HNMT: variants seen among roughly 807,000 people sequenced by gnomAD.
HNMT encodes histamine N-methyltransferase.
HNMT carries 30 observed loss-of-function variants against 32.1 expected under a neutral mutation model. That is an observed-to-expected ratio of 0.93 (90% CI 0.70 to 1.27). The LOEUF (loss-of-function observed/expected upper bound fraction) is 1.27. Ranked by LOEUF, HNMT falls within the 50% of genes most tolerant of loss-of-function variation. The pLI is 0.00. For synonymous variants in HNMT, 125 were observed against 119.0 expected, an observed-to-expected ratio of 1.05 and a Z score of -0.33; for missense variants, 327 against 346.0, an observed-to-expected ratio of 0.95 and a Z score of 0.43.
At chr2:137,983,664 T>C (rs1680569098) in intron 2 of HNMT, among the ~76,000 whole-genome samples, 1 of 152,056 alleles carries the variant, frequency 6.6e-6, no homozygotes, top group African/African-American at 2.4e-5. Context: ...CAAAAAACAA[T>C]AAATTTGTGG....
chr2:137,971,208 C>T (rs559817932), intron 2 of HNMT, among the ~76,000 whole-genome samples: 6 of 151,522 alleles, frequency 4.0e-5, no homozygotes, highest in Admixed American at 1.3e-4. Flanking sequence ...GACGGATTCT[C>T]ACTCTGTCGC....
intron 4 of HNMT, among the ~76,000 whole-genome samples, chr2:138,004,385 T>C (rs761872084): frequency 2.0e-5 from 3 of 152,182 alleles, no homozygotes; most frequent in Non-Finnish European, 2.9e-5. Context: ...TATGGAATAT[T>C]GAATTCTTGT....
intron 2 of HNMT, among the ~76,000 whole-genome samples, chr2:137,988,045 G>A (rs568984123): frequency 5.2e-4 from 79 of 152,226 alleles, no homozygotes; most frequent in African/African-American, 1.9e-3. Context: ...GGAGAGGATG[G>A]TACGTAAAGG....
At chr2:138,000,678 T>C (rs1681140365) in intron 2 of HNMT, among the ~76,000 whole-genome samples, 1 of 152,102 alleles carries the variant, frequency 6.6e-6, no homozygotes. Context: ...TGAAATATAG[T>C]GATAGATGTT....
At position 138,000,960 on chromosome 2, in the gene HNMT, A is replaced by T; in HGVS notation, c.233A>T (p.Tyr78Phe). The T allele has an allele frequency of 6.2e-7, 1 of 1,609,312 alleles. No homozygotes were observed. The highest frequency in any genetic ancestry group is 2.2e-5 in the East Asian group (1 of 44,638). Residue 78 changes from tyrosine to phenylalanine, a missense_variant, in exon 3 of 6, where the codon TAC becomes TTC. By Grantham distance (22) the Tyr-to-Phe change is conservative (BLOSUM62 3). Transcript: ENST00000280097. ...ATTCTCTCCAAAGTTCAGGCTCAATACCCAGGAGTTTGTATCAACAATGAA... is the reference window on the plus strand; with the variant it reads ...ATTCTCTCCAAAGTTCAGGCTCAATTCCCAGGAGTTTGTATCAACAATGAA... ...LQILSKVQAQYPGVCINNEVV... is the reference protein window; with the variant it reads ...LQILSKVQAQFPGVCINNEVV...
chr2:137,977,641 T>C (rs1440948293), intron 2 of HNMT, among the ~76,000 whole-genome samples: 1 of 152,018 alleles, frequency 6.6e-6, no homozygotes. Flanking sequence ...CTAAGAATAA[T>C]TCAAAAAGAC....
intron 2 of HNMT, among the ~76,000 whole-genome samples, chr2:137,977,755 T>G (rs1421001434): frequency 1.3e-5 from 2 of 151,952 alleles, no homozygotes; most frequent in Non-Finnish European, 2.9e-5. Flanking sequence ...GAAAGTAATT[T>G]GGCATTATAT....
chr2:137,978,209 C>T (rs1680344228), intron 2 of HNMT, among the ~76,000 whole-genome samples: 1 of 151,236 alleles, frequency 6.6e-6, no homozygotes, highest in African/African-American at 2.4e-5. Context: ...CCTCACAATA[C>T]CAAAATATCT....
chr2:137,976,069 C>T (rs1033062617), intron 2 of HNMT, among the ~76,000 whole-genome samples: 1 of 152,036 alleles, frequency 6.6e-6, no homozygotes, highest in Non-Finnish European at 1.5e-5. Context: ...GAGTTTGAGA[C>T]CAGCCTGGCC....
rs1681643011 is a variant in HNMT, at chr2:138,015,744, G to C, written c.*1614G>C. ...GGTATGGGGCCATGAAGACCTTGAA[G>C]AGCTTCACCAGAAGTATGGAAATCA... On this transcript the variant is annotated 3_prime_UTR_variant, in exon 6 of 6. Coordinates refer to ENST00000280097, the MANE Select transcript of HNMT (RefSeq NM_006895.3). 1 of 152,128 alleles carries C rather than the reference G, an allele frequency of 6.6e-6. No homozygotes were observed. The highest frequency in any genetic ancestry group is 2.1e-4 in the South Asian group (1 of 4,834). 9.4% of individuals were successfully genotyped at this position (152,128 alleles called of 1,614,324 possible). A position where few individuals can be genotyped will look rare whatever the true frequency, so the allele number is the denominator to read the frequency against.
In HNMT at chr2:137,967,243, T is replaced by A; in HGVS notation, c.137+2615T>A. On this transcript the variant is annotated intron_variant, in intron 1 of 5. Coordinates refer to ENST00000280097, the MANE Select transcript of HNMT (RefSeq NM_006895.3). ...CTGGGCAACATAGCAAGATCCCATC[T>A]CTACAAAAAAGTGAAAAAGTTAGCT... 4.7e-6 allele frequency: 3 copies of A among 640,570 alleles called. No individual in the cohort carries two copies. The East Asian group carries it at 8.2e-5, about 17-fold the overall frequency. The allele number at this position is 640,570 out of a possible 1,614,324, so 39.7% of individuals were successfully genotyped here. A position where few individuals can be genotyped will look rare whatever the true frequency, so the allele number is the denominator to read the frequency against.
chr2:137,981,107 C>G, intron 2 of HNMT: 2 of 1,279,820 alleles, frequency 1.6e-6, no homozygotes, highest in Non-Finnish European at 2.1e-6. Flanking sequence ...TTAAATTTTT[C>G]CTGCTGATAA....
At chr2:137,967,713 T>C (rs1355403069) in intron 1 of HNMT, 1 of 152,192 alleles carries the variant, frequency 6.6e-6, no homozygotes, top group Admixed American at 6.5e-5. Context: ...ATTGATTACC[T>C]AATTTTCTTA....
chr2:137,999,266 A>C (rs1681089001), intron 2 of HNMT, among the ~76,000 whole-genome samples: 1 of 152,172 alleles, frequency 6.6e-6, no homozygotes. Flanking sequence ...TGTTTGGCAA[A>C]TAGTAGGTGG....
intron 1 of HNMT, among the ~76,000 whole-genome samples, chr2:137,968,423 T>C (rs1680025077): frequency 6.6e-6 from 1 of 152,194 alleles, no homozygotes; most frequent in Non-Finnish European, 1.5e-5. Context: ...TGTGGAGTGC[T>C]TGTCATGTGC....
At chr2:137,966,566 T>G (rs1232951948) in intron 1 of HNMT, among the ~76,000 whole-genome samples, 1 of 152,236 alleles carries the variant, frequency 6.6e-6, no homozygotes, top group African/African-American at 2.4e-5. Context: ...TCGACTATGC[T>G]TATATTTCCT....
At chr2:137,992,106 T>C (rs3100723) in intron 2 of HNMT, among the ~76,000 whole-genome samples, 148,029 of 152,298 alleles carry the variant, frequency 0.97, 72,073 homozygotes, top group East Asian at 1. Flanking sequence ...ATCCCACTCG[T>C]GAACCCACAC....
chr2:137,975,565 C>G (rs1014114569), intron 2 of HNMT, among the ~76,000 whole-genome samples: 1 of 152,214 alleles, frequency 6.6e-6, no homozygotes, highest in African/African-American at 2.4e-5. Context: ...TTAGCAATGA[C>G]TAGCTATTTG....
chr2:137,985,648 C>A (rs1236689729), intron 2 of HNMT, among the ~76,000 whole-genome samples: 2 of 152,140 alleles, frequency 1.3e-5, no homozygotes, highest in African/African-American at 2.4e-5. Context: ...ATAAAAATTT[C>A]ATTTTGTAGC....
Sources: allele counts gnomAD v4.1 joint callset (sites outside exome capture counted in the v4.1 genomes callset), GRCh38; gene constraint gnomAD v4.1.1; transcripts MANE v1.5; gene names NCBI Gene and HGNC (gene_info 2026-07-23, HGNC 2026-07-21).